CLIP1: variants seen among roughly 807,000 people sequenced by gnomAD.
The protein encoded by CLIP1 is CAP-Gly domain-containing linker protein 1.
Under a neutral mutation model 161.6 loss-of-function variants are expected in CLIP1, and 66 were observed. The ratio of observed to expected loss-of-function variants is 0.41; its 90% CI spans 0.33 to 0.50. The LOEUF (loss-of-function observed/expected upper bound fraction) is 0.50, where lower values mean the gene tolerates loss of function less well. CLIP1 is among the 20% of genes least tolerant of loss of function. The probability of loss-of-function intolerance (pLI) is 0.27; values close to 1 mark genes in which losing one functional copy is unlikely to be tolerated. For missense variants in CLIP1, 1,376 were observed against 1,702.0 expected (o/e 0.81, Z 3.37); for synonymous variants, 598 against 626.2 (o/e 0.96, Z 0.67).
intron 1 of CLIP1, among the ~76,000 whole-genome samples, chr12:122,402,732 C>T (rs149883500): frequency 3.3e-5 from 5 of 151,704 alleles, no homozygotes; most frequent in African/African-American, 4.8e-5. Context: ...GCTGAGATAG[C>T]GCCACTGTAC....
At chr12:122,292,831 G>GT (rs1950299987) in intron 20 of CLIP1, among the ~76,000 whole-genome samples, 1 of 151,706 alleles carries the variant, frequency 6.6e-6, no homozygotes. Context: ...GTGAAACCCC[G>GT]TCTCTACTAA....
chr12:122,321,707 C>T (rs888317105), intron 17 of CLIP1, among the ~76,000 whole-genome samples: 1 of 151,792 alleles, frequency 6.6e-6, no homozygotes, highest in Non-Finnish European at 1.5e-5. Flanking sequence ...TTTGTAGAGA[C>T]AGGGTTTTGC....
rs189873750 is a variant in CLIP1 at position 122,415,274 on chromosome 12, G to A, written c.-107+7247C>T. ...AGGCGGGCGGATCACGAGGTCAGGAGATCAAGACCATCCTGGCCAACACAG... is the reference window on the plus strand; with the variant it reads ...AGGCGGGCGGATCACGAGGTCAGGAAATCAAGACCATCCTGGCCAACACAG... On this transcript the variant is annotated intron_variant, in intron 1 of 25. Transcript: ENST00000620786. 1.6e-3 allele frequency among the ~76,000 whole-genome samples: 244 copies of A among 151,252 alleles called. 1 individual carries two copies. The highest frequency in any genetic ancestry group is 5.3e-3 in the African/African-American group (220 of 41,246).
intron 9 of CLIP1, among the ~76,000 whole-genome samples, chr12:122,350,102 A>G (rs1211954542): frequency 6.6e-6 from 1 of 151,740 alleles, no homozygotes; most frequent in African/African-American, 2.4e-5. Flanking sequence ...ACAGGGTTTC[A>G]CCATGTTGGC....
In CLIP1 at chr12:122,355,651, A is replaced by C; in HGVS notation, c.1006-339T>G. On this transcript the variant is annotated intron_variant, in intron 5 of 25. Coordinates refer to ENST00000620786, the MANE Select transcript of CLIP1 (RefSeq NM_001247997.2). The surrounding 1 kb of genome is among the most constrained non-coding windows in gnomAD (Gnocchi z 4.1). ...GAGACCCCATCTCTACTAAAAATAC[A>C]AAAATTAGCTGGAGTGCAGTGGTGC... The C allele has an allele frequency of 4.3e-6, 1 of 230,118 alleles. No homozygotes were observed. The highest frequency in any genetic ancestry group is 8.5e-6 in the Non-Finnish European group (1 of 117,014). The allele number at this position is 230,118 out of a possible 1,614,324, so 14.3% of individuals were successfully genotyped here.
intron 1 of CLIP1, among the ~76,000 whole-genome samples, chr12:122,386,867 C>A (rs970377480): frequency 4.6e-5 from 7 of 150,584 alleles, no homozygotes; most frequent in Non-Finnish European, 1.0e-4. Flanking sequence ...GCTTACAAAG[C>A]TGACGGTAAG....
intron 1 of CLIP1, among the ~76,000 whole-genome samples, chr12:122,392,842 C>A (rs1463074531): frequency 6.6e-6 from 1 of 151,928 alleles, no homozygotes; most frequent in African/African-American, 2.4e-5. Flanking sequence ...AGTGCAGTGG[C>A]CCACTCTCAG....
chr12:122,286,041 G>T (rs1446842254), intron 21 of CLIP1, among the ~76,000 whole-genome samples: 1 of 151,882 alleles, frequency 6.6e-6, no homozygotes, highest in Admixed American at 6.6e-5. Flanking sequence ...ATTCTTTAAG[G>T]TTTGTTTTTA....
intron 20 of CLIP1, among the ~76,000 whole-genome samples, chr12:122,308,858 C>T (rs1950970251): frequency 1.3e-5 from 2 of 152,194 alleles, no homozygotes; most frequent in African/African-American, 4.8e-5. Context: ...AGTGCTTTCA[C>T]CACAAATTGC....
intron 1 of CLIP1, among the ~76,000 whole-genome samples, chr12:122,384,229 C>A (rs1018809407): frequency 1.3e-5 from 2 of 152,094 alleles, no homozygotes; most frequent in African/African-American, 4.8e-5. Flanking sequence ...TCTCTTTTCA[C>A]TAAATTTAAT....
intron 20 of CLIP1, among the ~76,000 whole-genome samples, chr12:122,294,093 C>CCAAGG (rs1333146922): frequency 1.3e-5 from 2 of 151,806 alleles, no homozygotes; most frequent in Non-Finnish European, 2.9e-5. Flanking sequence ...CTTTGGGAGG[C>CCAAGG]CGAGGCGGGC....
At chr12:122,319,637 C>T (rs927436294) in intron 17 of CLIP1, among the ~76,000 whole-genome samples, 3 of 152,216 alleles carry the variant, frequency 2.0e-5, no homozygotes, top group African/African-American at 7.2e-5. Context: ...ATGACACTGG[C>T]AAGCATGCTC....
At chr12:122,326,553 C>A (rs144590390) in intron 17 of CLIP1, among the ~76,000 whole-genome samples, 93 of 152,258 alleles carry the variant, frequency 6.1e-4, no homozygotes, top group African/African-American at 2.1e-3. Flanking sequence ...GTGGCACGTG[C>A]TTTTAGTCTC....
intron 23 of CLIP1, chr12:122,278,510 C>A: frequency 1.9e-6 from 1 of 536,034 alleles, no homozygotes; most frequent in South Asian, 2.8e-5. Context: ...AAAGGGACCA[C>A]CTCTTCTCCT....
At chr12:122,397,065 C>T (rs1223313706) in intron 1 of CLIP1, among the ~76,000 whole-genome samples, 4 of 149,982 alleles carry the variant, frequency 2.7e-5, no homozygotes, top group African/African-American at 9.8e-5. Context: ...AGGCGTAAGC[C>T]ACCGTGCCTG....
At chr12:122,275,656 A>ACGCGCG (rs1026494253) in intron 24 of CLIP1, 22 of 151,550 alleles carry the variant, frequency 1.5e-4, no homozygotes, top group African/African-American at 5.3e-4. Context: ...ACACACACAC[A>ACGCGCG]CACACACACA....
chr12:122,400,372 C>T (rs1956100977), intron 1 of CLIP1: 1 of 152,052 alleles, frequency 6.6e-6, no homozygotes, highest in Non-Finnish European at 1.5e-5. Context: ...CCTGCTTAGC[C>T]CCAATTTAAA....
rs559962804 is a variant in CLIP1, at chr12:122,412,671, A to C, written c.-107+9850T>G. Among the ~76,000 whole-genome samples, 68 of 152,194 alleles carry C rather than the reference A, an allele frequency of 4.5e-4. 1 individual carries two copies. In the South Asian group the frequency reaches 4.6e-3, roughly 10 times the overall value. The stretch of plus-strand genomic sequence containing the variant: ...CTCCGTCTCTAAAAAACAAAAAAAA[A>C]CCAAAGTACATACTCTAAAGTATCA... On this transcript the variant is annotated intron_variant, in intron 1 of 25. Transcript: ENST00000620786.
chr12:122,357,541 C>A (rs1322716382), intron 5 of CLIP1, among the ~76,000 whole-genome samples: 3 of 144,690 alleles, frequency 2.1e-5, no homozygotes, highest in Non-Finnish European at 4.6e-5. Context: ...CCAGCCGCCC[C>A]GTCCGGGAGG....
Sources: allele counts gnomAD v4.1 joint callset (sites outside exome capture counted in the v4.1 genomes callset), GRCh38; gene constraint gnomAD v4.1.1; non-coding constraint Gnocchi (gnomAD v3.1); transcripts MANE v1.5; gene names NCBI Gene and HGNC (gene_info 2026-07-23, HGNC 2026-07-21).